Variants in PACRG observed in about 807,000 individuals in gnomAD.
PACRG encodes the protein parkin coregulated gene protein.
PACRG carries 29 observed loss-of-function variants against 29.7 expected under a neutral mutation model. The ratio of observed to expected loss-of-function variants is 0.98; its 90% CI spans 0.73 to 1.33. PACRG has a LOEUF of 1.33. Ranked by LOEUF, PACRG falls within the 40% of genes most tolerant of loss-of-function variation. PACRG has a pLI of 0.00. For synonymous variants in PACRG, 116 were observed against 118.7 expected (o/e 0.98, Z 0.15); for missense variants, 279 against 316.2 (o/e 0.88, Z 0.89).
At chr6:163,250,726 C>T (rs1043638801) in intron 4 of PACRG, among the ~76,000 whole-genome samples, 1 of 152,168 alleles carries the variant, frequency 6.6e-6, no homozygotes, top group Non-Finnish European at 1.5e-5. Flanking sequence ...ATGTTTATAG[C>T]AGCACAATTC....
intron 2 of PACRG, among the ~76,000 whole-genome samples, chr6:162,814,900 G>A (rs1418650311): frequency 4.6e-5 from 7 of 152,184 alleles, no homozygotes; most frequent in Non-Finnish European, 1.0e-4. Flanking sequence ...TAAATGTATT[G>A]CCTAATGACT....
chr6:162,820,420 G>A (rs528437397), intron 2 of PACRG, among the ~76,000 whole-genome samples: 11 of 152,200 alleles, frequency 7.2e-5, no homozygotes, highest in Admixed American at 2.0e-4. Context: ...AACAGTTATT[G>A]CATATAATTA....
intron 2 of PACRG, among the ~76,000 whole-genome samples, chr6:162,866,621 A>C (rs1792317783): frequency 6.6e-6 from 1 of 152,200 alleles, no homozygotes; most frequent in African/African-American, 2.4e-5. Context: ...AGAAGAAAAA[A>C]AAAAATCTCT....
At chr6:163,152,911 G>A (rs1450761627) in intron 4 of PACRG, among the ~76,000 whole-genome samples, 2 of 152,118 alleles carry the variant, frequency 1.3e-5, no homozygotes, top group Admixed American at 6.5e-5. Flanking sequence ...GCCTATTAAC[G>A]GTAGTGAGCT....
At chr6:163,213,595 A>G (rs945643095) in intron 4 of PACRG, among the ~76,000 whole-genome samples, 1 of 152,176 alleles carries the variant, frequency 6.6e-6, no homozygotes, top group Admixed American at 6.5e-5. Flanking sequence ...GTATCTTTTC[A>G]TGTGATCATT....
intron 4 of PACRG, among the ~76,000 whole-genome samples, chr6:163,114,976 T>TA (rs1057002472): frequency 2.0e-5 from 3 of 152,170 alleles, no homozygotes; most frequent in Non-Finnish European, 2.9e-5. Flanking sequence ...CTTAAGTATA[T>TA]ACAATTTTTA....
At chr6:163,262,310 G>A (rs553832695) in intron 4 of PACRG, among the ~76,000 whole-genome samples, 3 of 152,290 alleles carry the variant, frequency 2.0e-5, no homozygotes, top group South Asian at 4.1e-4. Context: ...ACTTTCAAGC[G>A]CAATTAGCTT....
At chr6:162,803,674 A>G (rs1198748661) in intron 1 of PACRG, among the ~76,000 whole-genome samples, 2 of 152,218 alleles carry the variant, frequency 1.3e-5, no homozygotes, top group Non-Finnish European at 2.9e-5. Flanking sequence ...ATACAAATTA[A>G]CATTAATGAG....
At chr6:162,884,060 C>G (rs1794128041) in intron 2 of PACRG, among the ~76,000 whole-genome samples, 1 of 152,122 alleles carries the variant, frequency 6.6e-6, no homozygotes, top group Non-Finnish European at 1.5e-5. Context: ...ACCTCAACCT[C>G]CCGCCTAAGT....
chr6:162,895,488 A>C (rs190744089), intron 2 of PACRG, among the ~76,000 whole-genome samples: 1 of 152,296 alleles, frequency 6.6e-6, no homozygotes, highest in East Asian at 1.9e-4. Flanking sequence ...CTTAATCTTT[A>C]CTTTGTATCA....
At chr6:163,196,924 C>CAGAT (rs10559182) in intron 4 of PACRG, among the ~76,000 whole-genome samples, 11,849 of 144,974 alleles carry the variant, frequency 0.082, 482 homozygotes, top group Middle Eastern at 0.11. Context: ...ACAGACTAGA[C>CAGAT]AGATAGATAG....
intron 4 of PACRG, chr6:163,191,778 A>G (rs938408241): frequency 3.5e-5 from 16 of 456,140 alleles, no homozygotes; most frequent in Non-Finnish European, 6.6e-5. Context: ...GTTGTCCAGG[A>G]TCCTCTCATC....
chr6:163,283,750 G>A (rs1437514785), intron 4 of PACRG, among the ~76,000 whole-genome samples: 4 of 149,028 alleles, frequency 2.7e-5, no homozygotes, highest in African/African-American at 7.4e-5. Context: ...GCAGTGAGCC[G>A]AGATTGTGCC....
intron 4 of PACRG, among the ~76,000 whole-genome samples, chr6:163,105,772 A>C (rs971443744): frequency 3.3e-5 from 5 of 152,168 alleles, no homozygotes; most frequent in Non-Finnish European, 7.4e-5. Flanking sequence ...TAGTCAAATC[A>C]GTCATGGAAA....
rs1792811907 is a variant in PACRG, at chr6:162,871,614, A to G, written c.291+57333A>G. Among the ~76,000 whole-genome samples the G allele has an allele frequency of 2.0e-5, 3 of 151,698 alleles. No homozygotes were observed. The South Asian group carries it at 6.3e-4, about 32-fold the overall frequency. On this transcript the variant is annotated intron_variant, in intron 2 of 4. Coordinates refer to ENST00000366888, the MANE Select transcript of PACRG (RefSeq NM_001080379.2). ...CATTAAAAATAAAACAAGCACTTCCACTTATCTTAAAGACTACTTCTCGGC... is the reference window on the plus strand; with the variant it reads ...CATTAAAAATAAAACAAGCACTTCCGCTTATCTTAAAGACTACTTCTCGGC...
intron 2 of PACRG, among the ~76,000 whole-genome samples, chr6:162,942,586 C>T (rs533660885): frequency 6.6e-6 from 1 of 152,234 alleles, no homozygotes; most frequent in South Asian, 2.1e-4. Context: ...TCTGTATGTT[C>T]CAGTTCTTTG....
At chr6:163,064,530 G>A (rs1241519548) in intron 3 of PACRG, among the ~76,000 whole-genome samples, 3 of 152,226 alleles carry the variant, frequency 2.0e-5, no homozygotes, top group Non-Finnish European at 4.4e-5. Flanking sequence ...GATCCTGAGT[G>A]TAACTGCTCC....
intron 2 of PACRG, among the ~76,000 whole-genome samples, chr6:162,973,792 G>A (rs865911280): frequency 2.0e-5 from 3 of 152,064 alleles, no homozygotes; most frequent in Non-Finnish European, 4.4e-5. Flanking sequence ...GCGTGCGCAC[G>A]CTATTACAGA....
chr6:163,152,910 C>A (rs1027656516), intron 4 of PACRG, among the ~76,000 whole-genome samples: 1 of 152,134 alleles, frequency 6.6e-6, no homozygotes, highest in Non-Finnish European at 1.5e-5. Flanking sequence ...GGCCTATTAA[C>A]GGTAGTGAGC....
Sources: gnomAD v4.1 joint callset for allele counts (sites outside exome capture counted in the v4.1 genomes callset) on GRCh38, gnomAD v4.1.1 for gene constraint, MANE v1.5 for transcripts, NCBI Gene and HGNC (gene_info 2026-07-23, HGNC 2026-07-21) for gene names.